CHN2: variants seen among roughly 807,000 people sequenced by gnomAD.
The protein encoded by CHN2 is chimerin 2.
CHN2 carries 35 observed loss-of-function variants against 56.3 expected under a neutral mutation model. The observed-to-expected ratio is 0.62, with a 90% CI of 0.47 to 0.82. CHN2 has a LOEUF of 0.82. Ranked by LOEUF, CHN2 falls within the 40% of genes least tolerant of loss-of-function variation. The probability of loss-of-function intolerance (pLI) is 0.00; values close to 1 mark genes in which losing one functional copy is unlikely to be tolerated. For synonymous variants in CHN2, 210 were observed against 212.8 expected (o/e 0.99, Z 0.12); for missense variants, 491 against 580.5 (o/e 0.85, Z 1.58).
chr7:29,294,307 G>A (rs1191570765), intron 1 of CHN2, among the ~76,000 whole-genome samples: 4 of 152,150 alleles, frequency 2.6e-5, no homozygotes, highest in Non-Finnish European at 4.4e-5. Flanking sequence ...GGTACTTGGA[G>A]AAATACTTTT....
intron 6 of CHN2, among the ~76,000 whole-genome samples, chr7:29,409,867 T>C (rs1803037673): frequency 6.6e-6 from 1 of 152,090 alleles, no homozygotes; most frequent in African/African-American, 2.4e-5. Flanking sequence ...CAGAGTGGTG[T>C]TTGAGAGGAA....
intron 1 of CHN2, among the ~76,000 whole-genome samples, chr7:29,294,612 G>A (rs544224294): frequency 3.5e-4 from 53 of 152,196 alleles, no homozygotes; most frequent in Non-Finnish European, 6.5e-4. Context: ...GTTTGATTCA[G>A]AGGCATTATA....
intron 6 of CHN2, among the ~76,000 whole-genome samples, chr7:29,450,720 A>G (rs4722907): frequency 0.055 from 8,355 of 152,284 alleles, 389 homozygotes; most frequent in East Asian, 0.26. Flanking sequence ...TAGCAGCCAC[A>G]GAAAACTAAT....
At chr7:29,421,040 G>A (rs1318794315) in intron 6 of CHN2, among the ~76,000 whole-genome samples, 5 of 152,040 alleles carry the variant, frequency 3.3e-5, no homozygotes, top group Non-Finnish European at 5.9e-5. Flanking sequence ...TGATCCACCC[G>A]GCTCAGCCTT....
intron 1 of CHN2, among the ~76,000 whole-genome samples, chr7:29,219,492 A>G (rs1785604924): frequency 1.3e-5 from 2 of 152,218 alleles, no homozygotes; most frequent in Admixed American, 6.5e-5. Context: ...ATAAGAAACT[A>G]TATCAGTAAA....
chr7:29,443,481 C>T (rs1240925452), intron 6 of CHN2, among the ~76,000 whole-genome samples: 9 of 152,082 alleles, frequency 5.9e-5, no homozygotes, highest in Admixed American at 5.2e-4. Flanking sequence ...TTTCTCAGAA[C>T]GTATCTCTGT....
chr7:29,198,148 G>C (rs955166455), intron 1 of CHN2, among the ~76,000 whole-genome samples: 4 of 152,226 alleles, frequency 2.6e-5, no homozygotes, highest in Admixed American at 2.6e-4. Context: ...AGCTCTGGAA[G>C]CCGTAGGACA....
At chr7:29,449,272 T>A (rs849922) in intron 6 of CHN2, among the ~76,000 whole-genome samples, 19,661 of 151,992 alleles carry the variant, frequency 0.13, 1,513 homozygotes, top group Non-Finnish European at 0.17. Flanking sequence ...TGAAAAAAAA[T>A]AATCTATGTG....
intron 2 of CHN2, among the ~76,000 whole-genome samples, chr7:29,149,189 CTTTTTTTTTT>C (rs60520174): frequency 1.0e-5 from 1 of 100,340 alleles, no homozygotes; most frequent in Non-Finnish European, 1.8e-5. Context: ...GTCTGTTTCC[CTTTTTTTTTT>C]TTTTTTTTTT....
intron 6 of CHN2, among the ~76,000 whole-genome samples, chr7:29,420,936 A>T (rs1804279387): frequency 6.6e-6 from 1 of 151,454 alleles, no homozygotes; most frequent in African/African-American, 2.4e-5. Context: ...CAGCCTCCTG[A>T]GTAGTTAGGA....
intron 1 of CHN2, among the ~76,000 whole-genome samples, chr7:29,203,897 AT>A (rs1163509251): frequency 6.6e-6 from 1 of 152,216 alleles, no homozygotes; most frequent in East Asian, 1.9e-4. Context: ...CATTTGTCAC[AT>A]TCTTGTTTAG....
At chr7:29,342,717 TA>T (rs1348922723) in intron 1 of CHN2, among the ~76,000 whole-genome samples, 2 of 152,198 alleles carry the variant, frequency 1.3e-5, no homozygotes, top group Non-Finnish European at 2.9e-5. Context: ...TATTAAGAAA[TA>T]ACTGAGTAAA....
intron 1 of CHN2, among the ~76,000 whole-genome samples, chr7:29,284,617 T>C (rs1387062675): frequency 1.3e-5 from 2 of 152,134 alleles, no homozygotes; most frequent in Non-Finnish European, 2.9e-5. Flanking sequence ...CTCAGCGAAG[T>C]GAATTCTGCT....
intron 1 of CHN2, among the ~76,000 whole-genome samples, chr7:29,304,198 C>T (rs1275227086): frequency 6.6e-6 from 1 of 152,190 alleles, no homozygotes; most frequent in East Asian, 1.9e-4. Context: ...TCGAATGTTT[C>T]AACCCCACGG....
intron 1 of CHN2, among the ~76,000 whole-genome samples, chr7:29,293,378 AT>A (rs1792834943): frequency 1.9e-4 from 3 of 15,680 alleles, no homozygotes; most frequent in Non-Finnish European, 3.3e-4. Flanking sequence ...CCCCCCCCCC[AT>A]ATTAACTCCA....
intron 1 of CHN2, among the ~76,000 whole-genome samples, chr7:29,300,939 T>C (rs1291022818): frequency 6.6e-6 from 1 of 152,252 alleles, no homozygotes; most frequent in African/African-American, 2.4e-5. Flanking sequence ...TTTATTCTTA[T>C]ATGTATGAAA....
At chr7:29,467,888 C>CT (rs1403399560) in intron 6 of CHN2, among the ~76,000 whole-genome samples, 2 of 152,074 alleles carry the variant, frequency 1.3e-5, no homozygotes, top group African/African-American at 4.8e-5. Flanking sequence ...TAGGTTTTTT[C>CT]TTTTTTTCTG....
intron 1 of CHN2, among the ~76,000 whole-genome samples, chr7:29,216,292 G>C (rs574193311): frequency 6.6e-6 from 1 of 152,240 alleles, no homozygotes; most frequent in South Asian, 2.1e-4. Flanking sequence ...TGGTAGAGGC[G>C]CTTGGGTAGG....
rs544320419 is a variant in CHN2 at position 29,443,290 on chromosome 7, G to A, written c.577-36989G>A. ...ATAGAACTGAATCAGAGCAGAGGTCGTCTTGCCCATTTGGATGTATAAGCT... is the reference window on the plus strand; with the variant it reads ...ATAGAACTGAATCAGAGCAGAGGTCATCTTGCCCATTTGGATGTATAAGCT... On this transcript the variant is annotated intron_variant, in intron 6 of 12. Coordinates refer to ENST00000222792, the MANE Select transcript of CHN2 (RefSeq NM_004067.4). Among the ~76,000 whole-genome samples, 6 of 152,266 alleles carry A rather than the reference G, an allele frequency of 3.9e-5. No individual in the cohort carries two copies. In the South Asian group the frequency reaches 6.2e-4, roughly 16 times the overall value.
Sources: allele counts gnomAD v4.1 joint callset (sites outside exome capture counted in the v4.1 genomes callset), GRCh38; gene constraint gnomAD v4.1.1; transcripts MANE v1.5; gene names NCBI Gene and HGNC (gene_info 2026-07-23, HGNC 2026-07-21).